Variants in BDP1 observed in about 807,000 individuals in gnomAD.
BDP1 encodes the protein transcription factor TFIIIB component B'' homolog.
In BDP1, 169 loss-of-function variants were observed where a neutral mutation model predicts 266.6. The observed-to-expected ratio is 0.63, with a 90% CI of 0.56 to 0.72. The LOEUF (loss-of-function observed/expected upper bound fraction) is 0.72, where lower values mean the gene tolerates loss of function less well. BDP1 is among the 30% of genes least tolerant of loss of function. The pLI is 0.00. For synonymous variants in BDP1, 1,090 were observed against 1,022.4 expected (o/e 1.07, Z -1.26); for missense variants, 3,015 against 3,053.8 (o/e 0.99, Z 0.30).
At chr5:71,482,678 A>T (rs979328961) in intron 7 of BDP1, among the ~76,000 whole-genome samples, 1 of 152,210 alleles carries the variant, frequency 6.6e-6, no homozygotes, top group African/African-American at 2.4e-5. Flanking sequence ...CTGTTTTAGA[A>T]TTAAATGCCT....
chr5:71,478,534 T>C (rs1204112072), intron 7 of BDP1, among the ~76,000 whole-genome samples: 1 of 152,206 alleles, frequency 6.6e-6, no homozygotes, highest in Non-Finnish European at 1.5e-5. Flanking sequence ...GTTTTTTCTT[T>C]TTGGTCTTTT....
Position 71,516,081 on chromosome 5 carries a change from T to G in BDP1, c.4670T>G (p.Phe1557Cys). The change falls in exon 21 of 39, where the codon TTC becomes TGC. Residue 1557 changes from phenylalanine (F) to cysteine (C), a missense_variant. Phe to Cys is a radical substitution (Grantham distance 205, BLOSUM62 -2). Around this residue, in one of 3 missense-constraint regions of BDP1, gnomAD observed 2,383 missense variants for 2,404.9 expected, o/e 0.99. Transcript: ENST00000358731. ...TTTAGGACTAATAATGTAAACACTT[T>G]CCAGCAAGAAATGAAGGAAAGTGTT... is the stretch of plus-strand genomic sequence containing the variant. The part of the protein sequence containing the change: ...VSVGTNNVNT[F>C]QQEMKESVIQ... 1 of 1,607,732 alleles carries G rather than the reference T, an allele frequency of 6.2e-7. No individual in the cohort carries two copies. The highest frequency in any genetic ancestry group is 1.1e-5 in the South Asian group (1 of 89,806).
At chr5:71,472,888 C>CTCT (rs1554110460) in intron 7 of BDP1, among the ~76,000 whole-genome samples, 169 of 53,962 alleles carry the variant, frequency 3.1e-3, no homozygotes, top group African/African-American at 0.011. Flanking sequence ...CTCTCTCTCT[C>CTCT]TTTTTTTTTT....
At chr5:71,501,068 G>C (rs1238346336) in intron 13 of BDP1, among the ~76,000 whole-genome samples, 1 of 149,676 alleles carries the variant, frequency 6.7e-6, no homozygotes, top group Admixed American at 6.7e-5. Context: ...CTGTACTCTA[G>C]CCTGGGCGAC....
intron 9 of BDP1, among the ~76,000 whole-genome samples, 165 bp from the exon 10 acceptor site, chr5:71,489,239 T>C (rs1763443539): frequency 6.6e-6 from 1 of 152,208 alleles, no homozygotes; most frequent in Non-Finnish European, 1.5e-5. Flanking sequence ...CTCCGTGGAT[T>C]TTTATATATT....
At chr5:71,538,984 G>GA in intron 26 of BDP1, 58 bp from the exon 27 acceptor site, 1 of 1,190,156 alleles carries the variant, frequency 8.4e-7, no homozygotes. Flanking sequence ...TGCATGCTGA[G>GA]AAACAGAACA....
chr5:71,510,372 A>G lies in BDP1; in HGVS notation c.3280A>G (p.Thr1094Ala). The G allele has an allele frequency of 6.2e-7, 1 of 1,613,814 alleles. No homozygotes were observed. The highest frequency in any genetic ancestry group is 8.5e-7 in the Non-Finnish European group (1 of 1,179,962). ...GGAAATAGAGATAGATTTGGAAGAA[A>G]CTGAAAGAGAAATATCCCCACAGGA... is the stretch of plus-strand genomic sequence containing the variant. ...IEEIEIDLEE[T>A]EREISPQENG... The change falls in exon 17 of 39, where the codon ACT becomes GCT. Residue 1094 changes from threonine (T) to alanine (A), a missense_variant. Coordinates refer to ENST00000358731, the MANE Select transcript of BDP1 (RefSeq NM_018429.3).
chr5:71,532,365 C>G lies in BDP1; in HGVS notation c.5830C>G (p.Leu1944Val). The change falls in exon 26 of 39, where the codon CTA becomes GTA. Residue 1944 changes from leucine (L) to valine (V), a missense_variant. Around this residue, in one of 3 missense-constraint regions of BDP1, gnomAD observed 2,383 missense variants for 2,404.9 expected, o/e 0.99. Transcript: ENST00000358731. Reference protein sequence around the residue: ...VGCIAVVEHELPNTDVTTEEM... With the variant: ...VGCIAVVEHEVPNTDVTTEEM... ...ATGCATAGCTGTTGTTGAACATGAG[C>G]TACCAAACACAGATGTGACTACTGA... The G allele has an allele frequency of 8.7e-6, 14 of 1,613,134 alleles. No homozygotes were observed. The highest frequency in any genetic ancestry group is 1.2e-5 in the Non-Finnish European group (14 of 1,179,284).
At chr5:71,569,257 C>T (rs1016488546), downstream of BDP1, among the ~76,000 whole-genome samples, 1 of 152,000 alleles carries the variant, frequency 6.6e-6, no homozygotes, top group Admixed American at 6.6e-5. Context: ...GAGGCTGAGG[C>T]GAGACATAGC....
chr5:71,461,381 G>A lies in BDP1; in HGVS notation c.490-436G>A, dbSNP rs1012970680. On this transcript the variant is annotated intron_variant, in intron 2 of 38. Coordinates refer to ENST00000358731, the MANE Select transcript of BDP1 (RefSeq NM_018429.3). Reference sequence around the variant, plus strand: ...GTGCTTTAGGAGTGTGAGGCAGGAGGATCACTTGAGCCCAGGAATTTGAGA... The same window carrying A: ...GTGCTTTAGGAGTGTGAGGCAGGAGAATCACTTGAGCCCAGGAATTTGAGA... 4.0e-5 allele frequency among the ~76,000 whole-genome samples: 6 copies of A among 151,566 alleles called. No individual in the cohort carries two copies. In the South Asian group the frequency reaches 1.3e-3, roughly 32 times the overall value.
chr5:71,490,298 C>G (rs1763509044), intron 10 of BDP1, among the ~76,000 whole-genome samples: 1 of 152,116 alleles, frequency 6.6e-6, no homozygotes, highest in South Asian at 2.1e-4. Context: ...TTCAGATTTA[C>G]CCATCTGATT....
intron 6 of BDP1, among the ~76,000 whole-genome samples, chr5:71,469,336 A>G (rs978435676): frequency 3.3e-5 from 5 of 151,656 alleles, no homozygotes; most frequent in Admixed American, 3.3e-4. Flanking sequence ...ACGGGGTTTC[A>G]CCATGTTGGC....
downstream of BDP1, among the ~76,000 whole-genome samples, chr5:71,568,652 C>T (rs1036422180): frequency 2.9e-4 from 44 of 152,324 alleles, no homozygotes; most frequent in African/African-American, 1.1e-3. Context: ...CCTCAGACCA[C>T]TAGACCCTTA....
chr5:71,480,116 T>G (rs1762853225), intron 7 of BDP1, among the ~76,000 whole-genome samples: 1 of 151,206 alleles, frequency 6.6e-6, no homozygotes, highest in African/African-American at 2.4e-5. Context: ...GGCTAATTTT[T>G]TTTTTTTTAT....
chr5:71,538,957 G>C, intron 26 of BDP1, 85 bp from the exon 27 acceptor site: 1 of 859,942 alleles, frequency 1.2e-6, no homozygotes, highest in Admixed American at 2.1e-5. Context: ...AGTATGGAAA[G>C]ACCTCTGAAA....
chr5:71,539,170 GA>G, intron 27 of BDP1, 92 bp downstream of exon 27: 1 of 880,028 alleles, frequency 1.1e-6, no homozygotes, highest in Non-Finnish European at 1.8e-6. Context: ...CAGTTTGCTG[GA>G]GAGTTTAACA....
chr5:71,570,984 CAT>C (rs549212041), downstream of BDP1, among the ~76,000 whole-genome samples: 48 of 152,096 alleles, frequency 3.2e-4, no homozygotes, highest in Admixed American at 2.6e-3. Flanking sequence ...AAAAATAAAA[CAT>C]AAAAATAACA....
In BDP1 at chr5:71,522,350, G is replaced by A; in HGVS notation, c.5053G>A (p.Ala1685Thr). ...AQMTRRKFQK[A>T]KPNLGRAHSK... ...AATGACAAGAAGGAAATTCCAAAAG[G>A]CTAAGCCAAATTTGGGAAGAGCACA... is the stretch of plus-strand genomic sequence containing the variant. Residue 1685 changes from alanine (A) to threonine (T), a missense_variant, in exon 23 of 39, where the codon GCT becomes ACT. Ala to Thr is a moderately conservative substitution (Grantham distance 58). Coordinates refer to ENST00000358731, the MANE Select transcript of BDP1 (RefSeq NM_018429.3). The A allele has an allele frequency of 1.2e-6, 2 of 1,613,852 alleles. No individual in the cohort carries two copies. The highest frequency in any genetic ancestry group is 1.7e-6 in the Non-Finnish European group (2 of 1,179,938).
chr5:71,560,134 C>A lies in BDP1; in HGVS notation c.7393C>A (p.Gln2465Lys). Residue 2465 changes from glutamine to lysine, a missense_variant, in exon 37 of 39, where the codon CAG becomes AAG. Physicochemically the swap from Gln to Lys is moderately conservative, Grantham distance 53. Around this residue, in one of 3 missense-constraint regions of BDP1, gnomAD observed 629 missense variants for 632.5 expected, o/e 0.99. Transcript: ENST00000358731. ...CMDKNVPQLP[Q>K]DEMIVSDKEE... ...GGACAAGAATGTGCCTCAGTTACCTCAGGATGAAATGATTGTGTCTGATAA... is the reference window on the plus strand; with the variant it reads ...GGACAAGAATGTGCCTCAGTTACCTAAGGATGAAATGATTGTGTCTGATAA... 6.2e-7 allele frequency: 1 copy of A among 1,614,122 alleles called. No individual in the cohort carries two copies. The highest frequency in any genetic ancestry group is 8.5e-7 in the Non-Finnish European group (1 of 1,180,016).
Sources: gnomAD v4.1 joint callset for allele counts (sites outside exome capture counted in the v4.1 genomes callset) on GRCh38, gnomAD v4.1.1 for gene constraint, gnomAD v4.1.1 regional missense constraint, MANE v1.5 for transcripts, NCBI Gene and HGNC (gene_info 2026-07-23, HGNC 2026-07-21) for gene names.